GRID2: variants seen among roughly 807,000 people sequenced by gnomAD.
The protein encoded by GRID2 is glutamate ionotropic receptor delta type subunit 2, also known as glutamate receptor ionotropic, delta-2.
Under a neutral mutation model 114.8 loss-of-function variants are expected in GRID2, and 33 were observed. That is an observed-to-expected ratio of 0.29 (90% CI 0.22 to 0.38). GRID2 has a LOEUF of 0.38. GRID2 is among the 10% of genes least tolerant of loss of function. The probability of loss-of-function intolerance (pLI) is 1.00; values close to 1 mark genes in which losing one functional copy is unlikely to be tolerated. For missense variants in GRID2, 1,184 were observed against 1,257.7 expected, an observed-to-expected ratio of 0.94 and a Z score of 0.89; for synonymous variants, 505 against 449.9, an observed-to-expected ratio of 1.12 and a Z score of -1.55.
At chr4:93,657,274 A>G (rs1723103189) in intron 14 of GRID2, among the ~76,000 whole-genome samples, 1 of 152,140 alleles carries the variant, frequency 6.6e-6, no homozygotes, top group African/African-American at 2.4e-5. Context: ...TATCTTAATA[A>G]TTATAATACT....
chr4:93,404,386 A>G (rs1433077871), intron 9 of GRID2, among the ~76,000 whole-genome samples: 1 of 152,144 alleles, frequency 6.6e-6, no homozygotes, highest in African/African-American at 2.4e-5. Flanking sequence ...ATTGTATATT[A>G]TGTAAATTAT....
chr4:93,728,042 T>G (rs890571583), intron 14 of GRID2, among the ~76,000 whole-genome samples: 1 of 152,178 alleles, frequency 6.6e-6, no homozygotes, highest in African/African-American at 2.4e-5. Context: ...TGAATGTGTT[T>G]TCTCTTGCTT....
intron 2 of GRID2, among the ~76,000 whole-genome samples, chr4:92,836,166 GAC>G (rs1742444777): frequency 6.6e-6 from 1 of 152,088 alleles, no homozygotes; most frequent in Admixed American, 6.6e-5. Flanking sequence ...GTTGAGTAGT[GAC>G]AGAGATCATA....
intron 4 of GRID2, among the ~76,000 whole-genome samples, chr4:93,173,888 G>A (rs181342217): frequency 2.0e-4 from 30 of 152,182 alleles, no homozygotes; most frequent in East Asian, 1.2e-3. Flanking sequence ...GCCTTGGTGC[G>A]CTGGGATTAC....
chr4:92,406,270 A>T (rs1430798518), intron 1 of GRID2, among the ~76,000 whole-genome samples: 1 of 152,194 alleles, frequency 6.6e-6, no homozygotes, highest in Non-Finnish European at 1.5e-5. Context: ...ACAATTAATA[A>T]AACTAATACA....
chr4:92,884,314 T>C (rs1253333250), intron 2 of GRID2, among the ~76,000 whole-genome samples: 2 of 152,214 alleles, frequency 1.3e-5, no homozygotes, highest in African/African-American at 2.4e-5. Flanking sequence ...TAAGGGAATG[T>C]TGTGGCTCGT....
chr4:93,094,494 G>C (rs563977724), intron 3 of GRID2, among the ~76,000 whole-genome samples: 1 of 152,038 alleles, frequency 6.6e-6, no homozygotes, highest in South Asian at 2.1e-4. Flanking sequence ...TAGTTATAAT[G>C]CAGCCTTGCT....
intron 13 of GRID2, among the ~76,000 whole-genome samples, chr4:93,558,362 A>T (rs1734541378): frequency 6.6e-6 from 1 of 152,194 alleles, no homozygotes; most frequent in African/African-American, 2.4e-5. Context: ...AGAAAAAAAG[A>T]GAGAAGAATC....
At chr4:93,099,154 T>C (rs1311596148) in intron 3 of GRID2, among the ~76,000 whole-genome samples, 2 of 151,870 alleles carry the variant, frequency 1.3e-5, no homozygotes, top group African/African-American at 2.4e-5. Flanking sequence ...CTGAGTTACA[T>C]GATGACTCTT....
intron 2 of GRID2, among the ~76,000 whole-genome samples, chr4:92,882,536 A>T (rs1309846393): frequency 6.6e-6 from 1 of 152,066 alleles, no homozygotes; most frequent in Non-Finnish European, 1.5e-5. Context: ...GAACTATATT[A>T]GGGGTTTTCA....
At chr4:92,329,484 T>C (rs1726767017) in intron 1 of GRID2, among the ~76,000 whole-genome samples, 1 of 152,060 alleles carries the variant, frequency 6.6e-6, no homozygotes, top group Non-Finnish European at 1.5e-5. Context: ...CTGTTGGTCA[T>C]TTGTAAGATA....
chr4:92,668,901 T>C lies in GRID2; in HGVS notation c.244+78615T>C, dbSNP rs537126902. On this transcript the variant is annotated intron_variant, in intron 2 of 15. Coordinates refer to ENST00000282020, the MANE Select transcript of GRID2 (RefSeq NM_001510.4). Reference sequence around the variant, plus strand: ...AAGTATAAACAGATAGACATGGTGGTGACCAAAAGAGGAATATATTGGGCC... The same window carrying C: ...AAGTATAAACAGATAGACATGGTGGCGACCAAAAGAGGAATATATTGGGCC... 1.2e-3 allele frequency among the ~76,000 whole-genome samples: 184 copies of C among 152,000 alleles called. 2 individuals are homozygous for C. The highest frequency in any genetic ancestry group is 7.0e-3 in the South Asian group (34 of 4,826).
At chr4:93,261,300 T>G (rs915122717) in intron 8 of GRID2, among the ~76,000 whole-genome samples, 2 of 151,830 alleles carry the variant, frequency 1.3e-5, no homozygotes, top group African/African-American at 2.4e-5. Context: ...ACTTGCAAAG[T>G]ATAGGGAATT....
intron 14 of GRID2, among the ~76,000 whole-genome samples, chr4:93,673,388 C>A (rs1724594113): frequency 6.6e-6 from 1 of 151,926 alleles, no homozygotes; most frequent in African/African-American, 2.4e-5. Flanking sequence ...AAATATCTTC[C>A]CATCTCAGTG....
At chr4:93,393,046 T>G (rs1764999743) in intron 8 of GRID2, among the ~76,000 whole-genome samples, 1 of 151,974 alleles carries the variant, frequency 6.6e-6, no homozygotes, top group South Asian at 2.1e-4. Context: ...AGGAAATAAG[T>G]ATTATTTTAT....
chr4:92,753,770 A>G (rs1332277562), intron 2 of GRID2, among the ~76,000 whole-genome samples: 1 of 152,190 alleles, frequency 6.6e-6, no homozygotes, highest in East Asian at 1.9e-4. Context: ...CAATTCAAGT[A>G]CATGAAAGAC....
intron 2 of GRID2, among the ~76,000 whole-genome samples, chr4:92,917,374 A>T (rs570193463): frequency 5.3e-5 from 8 of 152,014 alleles, no homozygotes; most frequent in African/African-American, 1.9e-4. Flanking sequence ...ATTAGATCCC[A>T]TTTGTCAATT....
intron 3 of GRID2, among the ~76,000 whole-genome samples, chr4:93,093,820 G>T (rs1730979531): frequency 6.6e-6 from 1 of 151,946 alleles, no homozygotes; most frequent in Non-Finnish European, 1.5e-5. Flanking sequence ...TTCTTTTAAG[G>T]CAGCTAATGC....
chr4:93,075,559 C>T (rs1302726761), intron 2 of GRID2, among the ~76,000 whole-genome samples: 1 of 152,048 alleles, frequency 6.6e-6, no homozygotes, highest in African/African-American at 2.4e-5. Context: ...TGACATGATT[C>T]TCTCTGTAGA....
Sources: allele counts gnomAD v4.1 joint callset (sites outside exome capture counted in the v4.1 genomes callset), GRCh38; gene constraint gnomAD v4.1.1; transcripts MANE v1.5; gene names NCBI Gene and HGNC (gene_info 2026-07-23, HGNC 2026-07-21).